AGTPBP1: variants seen among roughly 807,000 people sequenced by gnomAD.
The protein encoded by AGTPBP1 is cytosolic carboxypeptidase 1.
In AGTPBP1, 70 loss-of-function variants were observed where a neutral mutation model predicts 143.9. The observed-to-expected ratio is 0.49, with a 90% CI of 0.40 to 0.59. The LOEUF (loss-of-function observed/expected upper bound fraction) is 0.59, where lower values mean the gene tolerates loss of function less well. Ranked by LOEUF, AGTPBP1 falls within the 20% of genes least tolerant of loss-of-function variation. The pLI is 0.00. For missense variants in AGTPBP1, 1,229 were observed against 1,464.5 expected (o/e 0.84, Z 2.62); for synonymous variants, 463 against 500.2 (o/e 0.93, Z 0.99).
At chr9:85,612,603 G>A (rs1237886889) in intron 17 of AGTPBP1, among the ~76,000 whole-genome samples, 3 of 152,158 alleles carry the variant, frequency 2.0e-5, no homozygotes, top group Admixed American at 6.5e-5. Flanking sequence ...GGAGGGTTAT[G>A]GGACCCCCTG....
chr9:85,717,929 T>C (rs1184226867), intron 1 of AGTPBP1, among the ~76,000 whole-genome samples: 2 of 151,954 alleles, frequency 1.3e-5, no homozygotes, highest in Non-Finnish European at 2.9e-5. Flanking sequence ...ACATGCAGTG[T>C]TTGGTTTTCT....
chr9:85,775,239 G>A, the AGTPBP1 span, among the ~76,000 whole-genome samples: 1 of 152,046 alleles, frequency 6.6e-6, no homozygotes, highest in East Asian at 1.9e-4. Flanking sequence ...CAGAGGTTGA[G>A]CCTGCAGTGG....
intron 11 of AGTPBP1, among the ~76,000 whole-genome samples, chr9:85,652,444 G>A (rs759187218): frequency 4.6e-5 from 7 of 152,062 alleles, no homozygotes; most frequent in Non-Finnish European, 5.9e-5. Context: ...CCCAGGAAGC[G>A]GACGCTGCAG....
rs137920430 is a variant in AGTPBP1 at position 85,677,495 on chromosome 9, G to T, written c.377C>A (p.Pro126His). The part of the protein sequence containing the change: ...QLLMNASKES[P>H]PHEDLMVQIH... The stretch of plus-strand genomic sequence containing the variant: ...CTGTACCATTAAGTCCTCATGTGGG[G>T]GAGATTCTTTGCTGGCATTCATAAG... The change falls in exon 6 of 26, where the codon CCC becomes CAC. Residue 126 changes from proline (P) to histidine (H), a missense_variant. Around this residue, in one of 2 missense-constraint regions of AGTPBP1, gnomAD observed 743 missense variants for 812.2 expected, o/e 0.91. Transcript: ENST00000357081. 506 of 1,603,958 alleles carry T rather than the reference G, an allele frequency of 3.2e-4. 1 individual carries two copies. Among genetic ancestry groups the T allele is most frequent in the Middle Eastern group, 1.7e-3 (10 of 6,028 alleles).
intron 14 of AGTPBP1, among the ~76,000 whole-genome samples, chr9:85,623,908 G>A (rs1831108976): frequency 6.6e-6 from 1 of 152,104 alleles, no homozygotes; most frequent in African/African-American, 2.4e-5. Context: ...AAATAGTCTA[G>A]GTACTCTCAG....
the AGTPBP1 span, among the ~76,000 whole-genome samples, chr9:85,783,633 T>G: frequency 3.9e-4 from 59 of 152,252 alleles, no homozygotes; most frequent in African/African-American, 1.4e-3. Flanking sequence ...TTGTTTTTTT[T>G]TTGTTTGTTT....
At chr9:85,690,335 G>A (rs1419735049) in intron 3 of AGTPBP1, among the ~76,000 whole-genome samples, 1 of 152,124 alleles carries the variant, frequency 6.6e-6, no homozygotes, top group African/African-American at 2.4e-5. Flanking sequence ...TACTGTGTTG[G>A]TTGGCTAATC....
chr9:85,640,854 A>G (rs914246005), intron 13 of AGTPBP1, among the ~76,000 whole-genome samples: 3 of 152,246 alleles, frequency 2.0e-5, no homozygotes, highest in Non-Finnish European at 4.4e-5. Flanking sequence ...ACAATCTGTA[A>G]TCACATGAGA....
At chr9:85,788,284 T>G in the AGTPBP1 span, among the ~76,000 whole-genome samples, 1 of 151,338 alleles carries the variant, frequency 6.6e-6, no homozygotes, top group Non-Finnish European at 1.5e-5. Context: ...TTCCAGCTAG[T>G]CTTCCACTTT....
rs770408276 is a variant in AGTPBP1 at position 85,623,048 on chromosome 9, G to A, written c.2016-1763C>T. Reference sequence around the variant, plus strand: ...CAGTTCCACAGTGATGTTCCATAACGCAAAACAGGGTCAAAGAGCTCGGGC... The same window carrying A: ...CAGTTCCACAGTGATGTTCCATAACACAAAACAGGGTCAAAGAGCTCGGGC... On this transcript the variant is annotated intron_variant, in intron 14 of 25. Coordinates refer to ENST00000357081, the MANE Select transcript of AGTPBP1 (RefSeq NM_001330701.2). Among the ~76,000 whole-genome samples, 12 of 152,212 alleles carry A rather than the reference G, an allele frequency of 7.9e-5. No individual in the cohort carries two copies. In the East Asian group the frequency reaches 1.9e-3, roughly 25 times the overall value.
intron 17 of AGTPBP1, among the ~76,000 whole-genome samples, chr9:85,605,844 G>A (rs1261399963): frequency 1.3e-5 from 2 of 151,714 alleles, no homozygotes; most frequent in African/African-American, 4.8e-5. Context: ...TAAAATAATG[G>A]GTTACAAGAT....
chr9:85,680,682 T>C (rs928472918), intron 4 of AGTPBP1, among the ~76,000 whole-genome samples: 2 of 152,170 alleles, frequency 1.3e-5, no homozygotes, highest in African/African-American at 4.8e-5. Context: ...AAATGACATC[T>C]TTATGATGCT....
chr9:85,621,796 A>G (rs1564072468), intron 14 of AGTPBP1, among the ~76,000 whole-genome samples: 1 of 152,170 alleles, frequency 6.6e-6, no homozygotes, highest in Non-Finnish European at 1.5e-5. Flanking sequence ...GGTAGAGGGA[A>G]GGGAAACACC....
chr9:85,630,476 T>C (rs1322117704), intron 14 of AGTPBP1, among the ~76,000 whole-genome samples: 8 of 146,542 alleles, frequency 5.5e-5, no homozygotes, highest in African/African-American at 2.0e-4. Context: ...GATTGATTGA[T>C]TGATTGATTG....
the AGTPBP1 span, among the ~76,000 whole-genome samples, chr9:85,755,829 T>TA: frequency 1.3e-5 from 2 of 152,198 alleles, no homozygotes; most frequent in Admixed American, 1.3e-4. Flanking sequence ...TTCGTCAGGC[T>TA]AAAAAATCCT....
the AGTPBP1 span, chr9:85,753,385 G>C: frequency 6.2e-7 from 1 of 1,613,908 alleles, no homozygotes. Flanking sequence ...TTGAAAAGGA[G>C]AAAAGGTTCG....
At chr9:85,619,165 T>C (rs1830763704) in intron 16 of AGTPBP1, 34 bp from the exon 17 acceptor site, 1 of 1,610,554 alleles carries the variant, frequency 6.2e-7, no homozygotes, top group Non-Finnish European at 8.5e-7. Flanking sequence ...CTGATGAAAA[T>C]TAGGAAATAT....
chr9:85,738,861 G>C (rs551268176), intron 1 of AGTPBP1, among the ~76,000 whole-genome samples: 1 of 152,014 alleles, frequency 6.6e-6, no homozygotes, highest in South Asian at 2.1e-4. Flanking sequence ...TCCCCCAAAA[G>C]TCCTTTTTCT....
chr9:85,793,515 T>G, the AGTPBP1 span: 1 of 152,156 alleles, frequency 6.6e-6, no homozygotes, highest in African/African-American at 2.4e-5. Flanking sequence ...GTCTCTAGAT[T>G]GCAGCACCTA....
Sources: gnomAD v4.1 joint callset for allele counts (sites outside exome capture counted in the v4.1 genomes callset) on GRCh38, gnomAD v4.1.1 for gene constraint, gnomAD v4.1.1 regional missense constraint, MANE v1.5 for transcripts, NCBI Gene and HGNC (gene_info 2026-07-23, HGNC 2026-07-21) for gene names.